The following DPP6 variants were observed in gnomAD, a reference collection of about 807,000 sequenced individuals.
The protein encoded by DPP6 is A-type potassium channel modulatory protein DPP6.
In DPP6, 69 loss-of-function variants were observed where a neutral mutation model predicts 122.6. The observed-to-expected ratio is 0.56, with a 90% CI of 0.46 to 0.69. The LOEUF (loss-of-function observed/expected upper bound fraction) is 0.69, where lower values mean the gene tolerates loss of function less well. DPP6 is among the 30% of genes least tolerant of loss of function. DPP6 has a pLI of 0.00. For missense variants in DPP6, 928 were observed against 1,116.9 expected (o/e 0.83, Z 2.41); for synonymous variants, 418 against 433.1 (o/e 0.97, Z 0.43).
At chr7:154,470,958 AAC>A (rs1363020659) in intron 2 of DPP6, among the ~76,000 whole-genome samples, 4 of 152,272 alleles carry the variant, frequency 2.6e-5, no homozygotes, top group African/African-American at 9.6e-5. Context: ...AATAACGAAA[AAC>A]ACAGCTGCAG....
intron 1 of DPP6, among the ~76,000 whole-genome samples, chr7:154,427,084 T>G (rs1190919031): frequency 2.6e-5 from 4 of 152,228 alleles, no homozygotes; most frequent in Non-Finnish European, 5.9e-5. Context: ...CTAAGATCAT[T>G]AATATTTTAT....
the DPP6 span, among the ~76,000 whole-genome samples, chr7:153,848,311 G>A: frequency 1.6e-4 from 20 of 125,690 alleles, no homozygotes; most frequent in African/African-American, 4.5e-4. Flanking sequence ...AGTCCTGCAC[G>A]TGGATGATTA....
rs1227167652 is a variant in DPP6, at chr7:154,486,917, T to C, written c.457+11880T>C. Among the ~76,000 whole-genome samples, 1 of 152,144 alleles carries C rather than the reference T, an allele frequency of 6.6e-6. No individual in the cohort carries two copies. The highest frequency in any genetic ancestry group is 2.4e-5 in the African/African-American group (1 of 41,440). ...TGTTGATGCTGCTTAATTCATAATT[T>C]GGGGACTCAAGTCTCTGCAGGCTCC... On this transcript the variant is annotated intron_variant, in intron 3 of 25. Transcript: ENST00000377770. This position sits in a 1 kb window ranked among gnomAD's most constrained non-coding sequence, Gnocchi z 4.5.
intron 1 of DPP6, among the ~76,000 whole-genome samples, chr7:153,906,264 T>C (rs1053076441): frequency 3.3e-5 from 5 of 152,170 alleles, no homozygotes; most frequent in African/African-American, 1.2e-4. Context: ...TAGTGTGTGG[T>C]GGTGAAGTCT....
chr7:154,526,956 T>G (rs1552734), intron 3 of DPP6, among the ~76,000 whole-genome samples: 1 of 152,094 alleles, frequency 6.6e-6, no homozygotes, highest in East Asian at 1.9e-4. Flanking sequence ...AGCCTGCAAC[T>G]GAAATATCAG....
chr7:153,989,876 T>C (rs1237436094), intron 1 of DPP6, among the ~76,000 whole-genome samples: 1 of 151,658 alleles, frequency 6.6e-6, no homozygotes, highest in African/African-American at 2.4e-5. Flanking sequence ...AAGGAGGCCC[T>C]GTCTCCAATG....
chr7:153,964,153 G>A (rs572474150), intron 1 of DPP6, among the ~76,000 whole-genome samples: 31 of 152,064 alleles, frequency 2.0e-4, no homozygotes, highest in South Asian at 6.2e-4. Context: ...CCCCCACCAC[G>A]CCTGGCCAAT....
chr7:154,745,304 G>C (rs561907802), intron 8 of DPP6, among the ~76,000 whole-genome samples: 131 of 152,284 alleles, frequency 8.6e-4, no homozygotes, highest in Non-Finnish European at 1.4e-3. Flanking sequence ...CAGTGACCTA[G>C]AGCCAGTTGT....
intron 5 of DPP6, among the ~76,000 whole-genome samples, chr7:154,623,206 C>T (rs970264342): frequency 2.0e-5 from 3 of 152,200 alleles, no homozygotes; most frequent in Non-Finnish European, 1.5e-5. Flanking sequence ...GTGTTGGGTG[C>T]AAGTCTACTG....
At chr7:154,695,549 C>A (rs1057195522) in intron 7 of DPP6, among the ~76,000 whole-genome samples, 4 of 152,042 alleles carry the variant, frequency 2.6e-5, no homozygotes, top group Non-Finnish European at 5.9e-5. Context: ...GTGAAGTAAT[C>A]CTCTAAATCA....
intron 1 of DPP6, among the ~76,000 whole-genome samples, chr7:154,283,964 G>A (rs919129530): frequency 5.3e-5 from 8 of 152,190 alleles, no homozygotes; most frequent in East Asian, 3.9e-4. Flanking sequence ...ACATCATGCC[G>A]TATATGGCTT....
intron 7 of DPP6, among the ~76,000 whole-genome samples, chr7:154,673,881 C>T (rs1019432643): frequency 7.0e-6 from 1 of 143,702 alleles, no homozygotes; most frequent in Non-Finnish European, 1.5e-5. Flanking sequence ...ATGTTTCTTT[C>T]TTTTTTTTTT....
At chr7:154,010,914 T>G (rs1798125712) in intron 1 of DPP6, among the ~76,000 whole-genome samples, 1 of 152,176 alleles carries the variant, frequency 6.6e-6, no homozygotes, top group African/African-American at 2.4e-5. Context: ...CAAATACTGG[T>G]TCATCTGGCC....
At chr7:154,854,788 C>G (rs117259050) in intron 17 of DPP6, among the ~76,000 whole-genome samples, 206 of 152,280 alleles carry the variant, frequency 1.4e-3, no homozygotes, top group South Asian at 0.011. Flanking sequence ...GTGCTGTGTG[C>G]AGTGGGAGGC....
chr7:154,652,254 C>T lies in DPP6; in HGVS notation c.680+14381C>T, dbSNP rs571929948. ...AGCCATAGCATCAAAATCACTTTTGCTCCAAAGGCGTTTTTTTTTTCCTAT... is the reference window on the plus strand; with the variant it reads ...AGCCATAGCATCAAAATCACTTTTGTTCCAAAGGCGTTTTTTTTTTCCTAT... On this transcript the variant is annotated intron_variant, in intron 6 of 25. Transcript: ENST00000377770. Among the ~76,000 whole-genome samples, 16 of 148,934 alleles carry T rather than the reference C, an allele frequency of 1.1e-4. No homozygotes were observed. The South Asian group carries it at 3.0e-3, about 28-fold the overall frequency.
intron 1 of DPP6, among the ~76,000 whole-genome samples, chr7:154,206,005 C>T (rs1398213391): frequency 6.6e-6 from 1 of 152,118 alleles, no homozygotes; most frequent in Admixed American, 6.5e-5. Flanking sequence ...ACCATGATGC[C>T]ATCCAAGGAA....
At chr7:154,365,408 T>C (rs921282416) in intron 1 of DPP6, among the ~76,000 whole-genome samples, 4 of 152,334 alleles carry the variant, frequency 2.6e-5, no homozygotes, top group Middle Eastern at 3.4e-3. Flanking sequence ...TGGTCAAAGC[T>C]GAGAAACAAA....
intron 1 of DPP6, among the ~76,000 whole-genome samples, chr7:153,985,917 A>C (rs940049804): frequency 2.0e-5 from 3 of 152,198 alleles, no homozygotes; most frequent in Non-Finnish European, 4.4e-5. Flanking sequence ...TGGGGCCAGG[A>C]GGAATAAAAG....
At chr7:154,061,237 C>T (rs374213301) in intron 1 of DPP6, among the ~76,000 whole-genome samples, 23 of 149,502 alleles carry the variant, frequency 1.5e-4, no homozygotes, top group Middle Eastern at 3.4e-3. Flanking sequence ...GGCGGGGACC[C>T]GGAACTTTTG....
Sources: gnomAD v4.1 joint callset for allele counts (sites outside exome capture counted in the v4.1 genomes callset) on GRCh38, gnomAD v4.1.1 for gene constraint, Gnocchi (gnomAD v3.1) non-coding constraint, MANE v1.5 for transcripts, NCBI Gene and HGNC (gene_info 2026-07-23, HGNC 2026-07-21) for gene names.